Variants in RXRA observed in about 807,000 individuals in gnomAD.
RXRA encodes the protein retinoid X receptor alpha.
Under a neutral mutation model 44.5 loss-of-function variants are expected in RXRA, and 5 were observed. That is an observed-to-expected ratio of 0.11 (90% CI 0.06 to 0.24). RXRA has a LOEUF of 0.24. Among genes scored for constraint, RXRA ranks in the 10% least tolerant of loss-of-function variants. The pLI is 1.00. For synonymous variants in RXRA, 291 were observed against 271.4 expected (o/e 1.07, Z -0.71); for missense variants, 412 against 646.5 (o/e 0.64, Z 3.93).
chr9:134,427,629 G>A (rs1373522576), intron 6 of RXRA, among the ~76,000 whole-genome samples: 2 of 152,212 alleles, frequency 1.3e-5, no homozygotes, highest in Non-Finnish European at 2.9e-5. Context: ...GGATTACTCA[G>A]TTGTGAAATG....
intron 1 of RXRA, among the ~76,000 whole-genome samples, chr9:134,327,520 G>A (rs940358358): frequency 6.6e-6 from 1 of 152,146 alleles, no homozygotes; most frequent in African/African-American, 2.4e-5. Context: ...AATTAGCTCC[G>A]GGAAGGATAT....
At chr9:134,403,512 TC>T (rs1173251868) in intron 2 of RXRA, 2 of 152,306 alleles carry the variant, frequency 1.3e-5, no homozygotes, top group East Asian at 3.9e-4. Context: ...ACCTGCTGGG[TC>T]CCAGGGCCCC....
chr9:134,332,580 G>A (rs1321998374), intron 1 of RXRA, among the ~76,000 whole-genome samples: 1 of 151,926 alleles, frequency 6.6e-6, no homozygotes, highest in African/African-American at 2.4e-5. Flanking sequence ...TGGAGGGGGT[G>A]AAGAGGGTGA....
intron 1 of RXRA, among the ~76,000 whole-genome samples, chr9:134,387,932 C>A (rs1830743613): frequency 6.6e-6 from 1 of 152,134 alleles, no homozygotes; most frequent in East Asian, 1.9e-4. Flanking sequence ...CAGCAAAGAA[C>A]TCTGATTTCT....
At position 134,434,160 on chromosome 9, in the gene RXRA, G is replaced by T; in HGVS notation, c.1194G>T (p.Ala398=). ...EVEALREKVY[A]SLEAYCKHKY... The stretch of plus-strand genomic sequence containing the variant: ...AGGCGCTGAGGGAGAAGGTCTATGC[G>T]TCCTTGGAGGCCTACTGCAAGCACA... Residue 398 remains alanine (A), a synonymous_variant, in exon 9 of 10, where the codon GCG becomes GCT. Transcript: ENST00000481739. 1 of 1,613,736 alleles carries T rather than the reference G, an allele frequency of 6.2e-7. No individual in the cohort carries two copies.
intron 1 of RXRA, among the ~76,000 whole-genome samples, chr9:134,360,940 G>A (rs7871655): frequency 6.6e-6 from 1 of 152,054 alleles, no homozygotes; most frequent in African/African-American, 2.4e-5. Flanking sequence ...CCTCAGAATT[G>A]CGGGTGACTC....
At chr9:134,345,991 G>A (rs1459696408) in intron 1 of RXRA, among the ~76,000 whole-genome samples, 6 of 152,062 alleles carry the variant, frequency 3.9e-5, no homozygotes, top group Non-Finnish European at 8.8e-5. Context: ...ATACATGTGC[G>A]TCTTACGGTG....
chr9:134,406,278 C>T (rs2119152175), intron 2 of RXRA: 1 of 151,868 alleles, frequency 6.6e-6, no homozygotes, highest in Non-Finnish European at 1.5e-5. Flanking sequence ...CTTGTAATCC[C>T]AGCTACTCAG....
chr9:134,401,727 G>C lies in RXRA; in HGVS notation c.124G>C (p.Gly42Arg). The C allele has an allele frequency of 6.2e-7, 1 of 1,613,090 alleles. No homozygotes were observed. The highest frequency in any genetic ancestry group is 8.5e-7 in the Non-Finnish European group (1 of 1,179,958). Residue 42 changes from glycine to arginine, a missense_variant, in exon 2 of 10, where the codon GGC becomes CGC. Coordinates refer to ENST00000481739, the MANE Select transcript of RXRA (RefSeq NM_002957.6). ...SLHPSLGPGI[G>R]SPGQLHSPIS... ...GCACCCGTCCCTGGGGCCTGGCATCGGCTCCCCGGGACAGCTGCATTCTCC... is the reference window on the plus strand; with the variant it reads ...GCACCCGTCCCTGGGGCCTGGCATCCGCTCCCCGGGACAGCTGCATTCTCC...
At position 134,436,771 on chromosome 9, in the gene RXRA, C is replaced by G. The variant is rs1831629835; in HGVS notation, c.*157C>G. 1.3e-6 allele frequency: 1 copy of G among 771,130 alleles called. No individual in the cohort carries two copies. The highest frequency in any genetic ancestry group is 1.8e-5 in the African/African-American group (1 of 57,020). The allele number at this position is 771,130 out of a possible 1,614,324, so 47.8% of individuals were successfully genotyped here. On this transcript the variant is annotated 3_prime_UTR_variant, in exon 10 of 10. Coordinates refer to ENST00000481739, the MANE Select transcript of RXRA (RefSeq NM_002957.6). ...CTGCTCTGCCTAAGAGATGTGTTGT[C>G]ACCCTCCTTATTTCTGTTACTACTT...
intron 1 of RXRA, among the ~76,000 whole-genome samples, chr9:134,328,034 C>T (rs1423287752): frequency 6.6e-6 from 1 of 152,164 alleles, no homozygotes; most frequent in Non-Finnish European, 1.5e-5. Context: ...TTGGGATTAG[C>T]ACCCCCAGCT....
chr9:134,392,189 G>C (rs892536395), intron 1 of RXRA, among the ~76,000 whole-genome samples: 1 of 152,214 alleles, frequency 6.6e-6, no homozygotes, highest in Non-Finnish European at 1.5e-5. Context: ...GTGGCCCCAC[G>C]CCTTTGGTCA....
Position 134,331,097 on chromosome 9 carries a change from T to G in RXRA, c.28+4438T>G, listed in dbSNP as rs149215165. On this transcript the variant is annotated intron_variant, in intron 1 of 9. Coordinates refer to ENST00000481739, the MANE Select transcript of RXRA (RefSeq NM_002957.6). ...ACTGAGGTAGCCCTTTCTGTGGATA[T>G]AGGCCTGCCACAGGAGAGCGCTCGC... Among the ~76,000 whole-genome samples the G allele has an allele frequency of 7.1e-3, 1,088 of 152,248 alleles. 9 individuals carry two copies. Among genetic ancestry groups the G allele is most frequent in the African/African-American group, 0.024 (1,016 of 41,522 alleles).
intron 1 of RXRA, among the ~76,000 whole-genome samples, chr9:134,352,164 G>A (rs1161392966): frequency 3.9e-5 from 6 of 152,246 alleles, no homozygotes; most frequent in South Asian, 2.1e-4. Context: ...GGATGACAGC[G>A]CGGCCCAGGA....
intron 4 of RXRA, among the ~76,000 whole-genome samples, chr9:134,415,077 G>A (rs1831212279): frequency 1.3e-5 from 2 of 152,248 alleles, no homozygotes; most frequent in Admixed American, 6.5e-5. Flanking sequence ...TGTGCATGCC[G>A]ACTGCGGGGT....
At chr9:134,333,146 T>C (rs1835032269) in intron 1 of RXRA, among the ~76,000 whole-genome samples, 1 of 152,128 alleles carries the variant, frequency 6.6e-6, no homozygotes. Context: ...ACTTTGGGGC[T>C]GGGGAGTGGG....
At position 134,417,479 on chromosome 9, in the gene RXRA, T is replaced by G; in HGVS notation, c.780+152T>G. 2.3e-6 allele frequency: 2 copies of G among 883,218 alleles called. No individual in the cohort carries two copies. The highest frequency in any genetic ancestry group is 3.4e-6 in the Non-Finnish European group (2 of 585,974). The allele number at this position is 883,218 out of a possible 1,614,324, so 54.7% of individuals were successfully genotyped here. ...CCTCAGCTCGGCCTCTTACCTGAGG[T>G]GACCCCGTGGGCCCCTCGCCCCAGC... On this transcript the variant is annotated intron_variant, in intron 5 of 9. Transcript: ENST00000481739. The surrounding 1 kb of genome is among the most constrained non-coding windows in gnomAD (Gnocchi z 6.1).
intron 1 of RXRA, among the ~76,000 whole-genome samples, chr9:134,346,989 C>T (rs889248226): frequency 1.3e-5 from 2 of 152,132 alleles, no homozygotes; most frequent in East Asian, 1.9e-4. Context: ...CTGGCCCTTG[C>T]GGGGAGGGCC....
rs150836264 is a variant in RXRA at position 134,349,710 on chromosome 9, C to T, written c.28+23051C>T. ...GGGGACTTTAGTTCAAGCTGAATGC[C>T]TGTCTCCCTGGAGGCGCAGGGCTGT... On this transcript the variant is annotated intron_variant, in intron 1 of 9. Transcript: ENST00000481739. The surrounding 1 kb of genome is among the most constrained non-coding windows in gnomAD (Gnocchi z 4.3). 9.0e-3 allele frequency among the ~76,000 whole-genome samples: 1,368 copies of T among 152,038 alleles called. 8 individuals are homozygous for T. Among genetic ancestry groups the T allele is most frequent in the Non-Finnish European group, 0.015 (1,012 of 67,974 alleles).
Sources: gnomAD v4.1 joint callset for allele counts (sites outside exome capture counted in the v4.1 genomes callset) on GRCh38, gnomAD v4.1.1 for gene constraint, Gnocchi (gnomAD v3.1) non-coding constraint, MANE v1.5 for transcripts, NCBI Gene and HGNC (gene_info 2026-07-23, HGNC 2026-07-21) for gene names.